The following LHFPL2 variants were observed in gnomAD, a reference collection of about 807,000 sequenced individuals.
LHFPL2 encodes the protein LHFPL tetraspan subfamily member 2 protein.
Under a neutral mutation model 17.5 loss-of-function variants are expected in LHFPL2, and 7 were observed. The ratio of observed to expected loss-of-function variants is 0.40; its 90% CI spans 0.23 to 0.75. The LOEUF (loss-of-function observed/expected upper bound fraction) is 0.75, where lower values mean the gene tolerates loss of function less well. LHFPL2 is among the 30% of genes least tolerant of loss of function. The pLI is 0.37. For synonymous variants in LHFPL2, 134 were observed against 116.2 expected (o/e 1.15, Z -0.99); for missense variants, 241 against 294.8 (o/e 0.82, Z 1.34).
chr5:78,491,006 C>T (rs1005927306), intron 4 of LHFPL2: 2 of 152,104 alleles, frequency 1.3e-5, no homozygotes, highest in Non-Finnish European at 2.9e-5. Flanking sequence ...GCAACTTCCC[C>T]GCAAAGAAAA....
intron 2 of LHFPL2, among the ~76,000 whole-genome samples, chr5:78,566,794 T>C (rs549418562): frequency 2.6e-5 from 4 of 152,384 alleles, no homozygotes; most frequent in African/African-American, 9.6e-5. Context: ...TTTGTTAACT[T>C]AATTACTTGC....
At chr5:78,611,411 C>T (rs1744419334) in intron 2 of LHFPL2, among the ~76,000 whole-genome samples, 1 of 152,190 alleles carries the variant, frequency 6.6e-6, no homozygotes. Flanking sequence ...TGACCCTGGC[C>T]TATGAGGTTT....
chr5:78,607,875 T>A (rs1744281077), intron 2 of LHFPL2, among the ~76,000 whole-genome samples: 1 of 152,220 alleles, frequency 6.6e-6, no homozygotes, highest in South Asian at 2.1e-4. Context: ...GGTAGATCTA[T>A]GTAATGCCCA....
At chr5:78,496,115 T>TA (rs1403845942) in intron 4 of LHFPL2, among the ~76,000 whole-genome samples, 1 of 152,206 alleles carries the variant, frequency 6.6e-6, no homozygotes, top group Non-Finnish European at 1.5e-5. Context: ...TTCTCACTTT[T>TA]AAAAATTTAT....
At chr5:78,598,694 T>A (rs922826626) in intron 2 of LHFPL2, among the ~76,000 whole-genome samples, 2 of 152,154 alleles carry the variant, frequency 1.3e-5, no homozygotes, top group Non-Finnish European at 2.9e-5. Context: ...GCATAAAAAT[T>A]TAATTCACTC....
intron 3 of LHFPL2, chr5:78,549,222 C>A (rs376126313): frequency 6.6e-6 from 1 of 152,104 alleles, no homozygotes; most frequent in African/African-American, 2.4e-5. Context: ...CCTTCTGGGG[C>A]GAGACTGGCT....
At chr5:78,518,155 T>C (rs1408202765) in intron 3 of LHFPL2, among the ~76,000 whole-genome samples, 2 of 152,248 alleles carry the variant, frequency 1.3e-5, no homozygotes, top group South Asian at 2.1e-4. Flanking sequence ...CACTGCTTTA[T>C]AGGAATTTTA....
chr5:78,523,636 A>T (rs1056421326), intron 3 of LHFPL2, among the ~76,000 whole-genome samples: 5 of 152,214 alleles, frequency 3.3e-5, no homozygotes, highest in African/African-American at 9.7e-5. Flanking sequence ...GCAATGGCCC[A>T]CAGGGGCCAG....
intron 3 of LHFPL2, among the ~76,000 whole-genome samples, chr5:78,541,096 C>T (rs1203698798): frequency 6.6e-6 from 1 of 152,150 alleles, no homozygotes; most frequent in Admixed American, 6.5e-5. Flanking sequence ...TAGAAGATAA[C>T]TTGTCCCTTA....
intron 3 of LHFPL2, among the ~76,000 whole-genome samples, chr5:78,556,834 C>T (rs887034526): frequency 6.6e-6 from 1 of 152,158 alleles, no homozygotes; most frequent in Non-Finnish European, 1.5e-5. Context: ...GGAACTTGGA[C>T]AGTAGATTAC....
intron 3 of LHFPL2, among the ~76,000 whole-genome samples, chr5:78,510,887 A>G (rs1755098644): frequency 6.6e-6 from 1 of 152,262 alleles, no homozygotes; most frequent in African/African-American, 2.4e-5. Flanking sequence ...ACTTGGACCA[A>G]GCGCTTTTGC....
At chr5:78,620,932 G>A (rs1744830749) in intron 2 of LHFPL2, among the ~76,000 whole-genome samples, 1 of 150,546 alleles carries the variant, frequency 6.6e-6, no homozygotes, top group African/African-American at 2.4e-5. Context: ...TTTAAAAAGA[G>A]TTCTCCTACT....
intron 2 of LHFPL2, among the ~76,000 whole-genome samples, chr5:78,580,365 C>G (rs1743073221): frequency 6.6e-6 from 1 of 152,154 alleles, no homozygotes; most frequent in African/African-American, 2.4e-5. Flanking sequence ...TCCCATTTGT[C>G]AATTCTGGCT....
Position 78,527,053 on chromosome 5 carries a change from T to C in LHFPL2, c.-185-16655A>G, listed in dbSNP as rs568537075. On this transcript the variant is annotated intron_variant, in intron 3 of 4. Transcript: ENST00000380345. ...AACTATTCTGAGAAACTCCAGAAGGTTGAATGTTAAATTCGCTTTGTCAGA... is the reference window on the plus strand; with the variant it reads ...AACTATTCTGAGAAACTCCAGAAGGCTGAATGTTAAATTCGCTTTGTCAGA... 4.6e-5 allele frequency among the ~76,000 whole-genome samples: 7 copies of C among 152,350 alleles called. No homozygotes were observed. The East Asian group carries it at 5.8e-4, about 13-fold the overall frequency.
chr5:78,633,500 A>G (rs2112516480), intron 1 of LHFPL2, among the ~76,000 whole-genome samples: 1 of 152,316 alleles, frequency 6.6e-6, no homozygotes, highest in Admixed American at 6.5e-5. Context: ...TGGGACCCAC[A>G]TTCAGTGTTT....
At chr5:78,578,148 G>A (rs1047338649) in intron 2 of LHFPL2, among the ~76,000 whole-genome samples, 2 of 152,118 alleles carry the variant, frequency 1.3e-5, no homozygotes, top group Non-Finnish European at 2.9e-5. Context: ...GAATCACAAA[G>A]GTATTAATTA....
chr5:78,619,497 ATATT>A (rs1328704486), intron 2 of LHFPL2, among the ~76,000 whole-genome samples: 16 of 149,082 alleles, frequency 1.1e-4, no homozygotes, highest in Non-Finnish European at 1.6e-4. Flanking sequence ...ATATATATAT[ATATT>A]TATTTTATTA....
chr5:78,562,273 C>T (rs1756748560), intron 3 of LHFPL2, among the ~76,000 whole-genome samples: 1 of 152,186 alleles, frequency 6.6e-6, no homozygotes, highest in East Asian at 1.9e-4. Flanking sequence ...ACAGAGCCTG[C>T]TGGTACCACA....
intron 2 of LHFPL2, among the ~76,000 whole-genome samples, chr5:78,588,999 C>T (rs561644323): frequency 6.6e-6 from 1 of 152,264 alleles, no homozygotes; most frequent in African/African-American, 2.4e-5. Flanking sequence ...ATCCTGCCAA[C>T]CATAATGTGT....
Sources: allele counts gnomAD v4.1 joint callset (sites outside exome capture counted in the v4.1 genomes callset), GRCh38; gene constraint gnomAD v4.1.1; transcripts MANE v1.5; gene names NCBI Gene and HGNC (gene_info 2026-07-23, HGNC 2026-07-21).